Variants in ADGRL2 observed in about 807,000 individuals in gnomAD.
The protein encoded by ADGRL2 is calcium-independent alpha-latrotoxin receptor 2.
A neutral mutation model predicts 157.4 loss-of-function variants in ADGRL2; 44 were observed. The observed-to-expected ratio is 0.28, with a 90% confidence interval of 0.22 to 0.36. The LOEUF (loss-of-function observed/expected upper bound fraction) is 0.36. ADGRL2 is among the 10% of genes least tolerant of loss of function. The probability of loss-of-function intolerance (pLI) is 1.00; values close to 1 mark genes in which losing one functional copy is unlikely to be tolerated. For synonymous variants in ADGRL2, 585 were observed against 624.7 expected (o/e 0.94, Z 0.95); for missense variants, 1,510 against 1,768.9 (o/e 0.85, Z 2.63).
chr1:81,882,198 GT>G (rs1295621346), intron 2 of ADGRL2, among the ~76,000 whole-genome samples: 9 of 151,714 alleles, frequency 5.9e-5, no homozygotes, highest in Non-Finnish European at 1.3e-4. Flanking sequence ...TTACAGATGT[GT>G]TTTTTTTCCC....
At chr1:81,894,317 C>A (rs1427914012) in intron 2 of ADGRL2, among the ~76,000 whole-genome samples, 1 of 152,104 alleles carries the variant, frequency 6.6e-6, no homozygotes, top group East Asian at 1.9e-4. Context: ...GTAGAGTTCA[C>A]AGAGTGGGTT....
At chr1:81,330,761 T>A (rs915640250) in intron 1 of ADGRL2, among the ~76,000 whole-genome samples, 1 of 152,142 alleles carries the variant, frequency 6.6e-6, no homozygotes, top group Admixed American at 6.6e-5. Context: ...GAAAGAAGTG[T>A]TTCACACCTT....
At chr1:81,819,179 G>T (rs901122142) in intron 1 of ADGRL2, among the ~76,000 whole-genome samples, 7 of 152,168 alleles carry the variant, frequency 4.6e-5, no homozygotes, top group Non-Finnish European at 1.5e-5. Context: ...ATTAGAAGGG[G>T]TGGACGACAG....
chr1:81,825,257 G>C (rs2091363993), intron 1 of ADGRL2, among the ~76,000 whole-genome samples: 1 of 152,090 alleles, frequency 6.6e-6, no homozygotes, highest in African/African-American at 2.4e-5. Context: ...CCCACTCTCA[G>C]GAGGCTGATG....
At chr1:81,554,513 G>A (rs547788824) in intron 2 of ADGRL2, among the ~76,000 whole-genome samples, 2 of 150,812 alleles carry the variant, frequency 1.3e-5, no homozygotes, top group African/African-American at 4.9e-5. Flanking sequence ...ATTTTTGAAT[G>A]TAATAAAGAA....
chr1:81,906,013 G>T (rs1399037248), intron 2 of ADGRL2, among the ~76,000 whole-genome samples: 1 of 150,842 alleles, frequency 6.6e-6, no homozygotes, highest in African/African-American at 2.4e-5. Context: ...TGAACTTGTT[G>T]GGGAAGAAAT....
chr1:81,941,210 TG>T (rs1647836817), intron 4 of ADGRL2, among the ~76,000 whole-genome samples: 1 of 151,234 alleles, frequency 6.6e-6, no homozygotes, highest in Non-Finnish European at 1.5e-5. Context: ...ATTACAAGTT[TG>T]AGATATATAA....
At chr1:81,876,288 A>T (rs1435539611) in intron 2 of ADGRL2, among the ~76,000 whole-genome samples, 1 of 152,152 alleles carries the variant, frequency 6.6e-6, no homozygotes, top group Non-Finnish European at 1.5e-5. Flanking sequence ...TGTAAGTTAA[A>T]TACCTTTTAT....
chr1:81,714,230 G>T (rs2084033325), intron 1 of ADGRL2, among the ~76,000 whole-genome samples: 1 of 152,114 alleles, frequency 6.6e-6, no homozygotes, highest in Non-Finnish European at 1.5e-5. Flanking sequence ...ACCTATATAA[G>T]TTATCATTTA....
intron 2 of ADGRL2, among the ~76,000 whole-genome samples, chr1:81,508,653 C>T (rs2079022161): frequency 1.3e-5 from 2 of 152,178 alleles, no homozygotes; most frequent in Non-Finnish European, 2.9e-5. Flanking sequence ...CCAGGCCCTA[C>T]CTACATGAAG....
At chr1:81,336,823 C>T (rs571283612) in intron 1 of ADGRL2, among the ~76,000 whole-genome samples, 2 of 152,290 alleles carry the variant, frequency 1.3e-5, no homozygotes, top group East Asian at 1.9e-4. Context: ...TTTACCTCCC[C>T]GTTTTCCCAC....
At chr1:81,371,264 A>C (rs1247599909) in intron 1 of ADGRL2, among the ~76,000 whole-genome samples, 3 of 152,186 alleles carry the variant, frequency 2.0e-5, no homozygotes, top group Non-Finnish European at 4.4e-5. Context: ...TTCTGTGCAA[A>C]TTAGGGTAGA....
At chr1:81,776,728 G>A (rs956495890) in intron 2 of ADGRL2, among the ~76,000 whole-genome samples, 1 of 152,126 alleles carries the variant, frequency 6.6e-6, no homozygotes, top group Non-Finnish European at 1.5e-5. Flanking sequence ...GATCCCTGCT[G>A]GTGGGAGAAA....
intron 3 of ADGRL2, among the ~76,000 whole-genome samples, chr1:81,691,251 C>G (rs912725600): frequency 1.3e-5 from 2 of 151,502 alleles, no homozygotes; most frequent in African/African-American, 2.4e-5. Context: ...TCTGGGGAGT[C>G]CTGATAATAT....
At chr1:81,902,260 G>T (rs1001991814) in intron 2 of ADGRL2, among the ~76,000 whole-genome samples, 6 of 152,126 alleles carry the variant, frequency 3.9e-5, no homozygotes, top group Non-Finnish European at 7.4e-5. Flanking sequence ...TAGGTAGCAG[G>T]TATTAAGAGA....
At chr1:81,924,432 G>A (rs2095058028) in intron 3 of ADGRL2, among the ~76,000 whole-genome samples, 1 of 152,098 alleles carries the variant, frequency 6.6e-6, no homozygotes, top group African/African-American at 2.4e-5. Flanking sequence ...GATTCTCAAA[G>A]TCTACATAGA....
At chr1:81,617,982 G>C (rs1277297592) in intron 3 of ADGRL2, among the ~76,000 whole-genome samples, 1 of 152,098 alleles carries the variant, frequency 6.6e-6, no homozygotes, top group African/African-American at 2.4e-5. Flanking sequence ...CCTTCCACTT[G>C]GTTATAGCCC....
chr1:81,885,279 A>AT (rs1286934576), intron 2 of ADGRL2, among the ~76,000 whole-genome samples: 26 of 152,330 alleles, frequency 1.7e-4, no homozygotes, highest in Middle Eastern at 3.4e-3. Context: ...TTTATTTTAT[A>AT]TATGACTCTT....
rs537857079 is a variant in ADGRL2 at position 81,865,700 on chromosome 1, C to T, written c.73+28643C>T. Among the ~76,000 whole-genome samples the T allele has an allele frequency of 5.9e-5, 9 of 152,122 alleles. No individual in the cohort carries two copies. The East Asian group carries it at 1.7e-3, about 29-fold the overall frequency. ...AGAACTTAGGGAGACAATTCATCACCCTAAAGGGAAGCAGAGGAGAGGGCT... is the reference window on the plus strand; with the variant it reads ...AGAACTTAGGGAGACAATTCATCACTCTAAAGGGAAGCAGAGGAGAGGGCT... On this transcript the variant is annotated intron_variant, in intron 2 of 23. Transcript: ENST00000686636.
Sources: allele counts gnomAD v4.1 joint callset (sites outside exome capture counted in the v4.1 genomes callset), GRCh38; gene constraint gnomAD v4.1.1; transcripts MANE v1.5; gene names NCBI Gene and HGNC (gene_info 2026-07-23, HGNC 2026-07-21).